The following PAICS variants were observed in gnomAD, a reference collection of about 807,000 sequenced individuals.
The protein encoded by PAICS is bifunctional phosphoribosylaminoimidazole carboxylase/phosphoribosylaminoimidazole succinocarboxamide synthetase.
PAICS carries 33 observed loss-of-function variants against 53.7 expected under a neutral mutation model. That is an observed-to-expected ratio of 0.61 (90% CI 0.47 to 0.82). The LOEUF is 0.82. Among genes scored for constraint, PAICS ranks in the 40% least tolerant of loss-of-function variants. PAICS has a pLI of 0.00. For synonymous variants in PAICS, 141 were observed against 167.2 expected (o/e 0.84, Z 1.21); for missense variants, 394 against 494.1 (o/e 0.80, Z 1.92).
intron 7 of PAICS, among the ~76,000 whole-genome samples, chr4:56,452,901 T>A (rs559339241): frequency 5.8e-4 from 89 of 152,298 alleles, no homozygotes; most frequent in Middle Eastern, 3.4e-3. Flanking sequence ...AGGTTGTTGC[T>A]ATGGAAGTGT....
At chr4:56,437,409 A>C (rs1718071490) in intron 1 of PAICS, among the ~76,000 whole-genome samples, 1 of 152,130 alleles carries the variant, frequency 6.6e-6, no homozygotes, top group South Asian at 2.1e-4. Context: ...CTGGAAAAAA[A>C]CAAATGCTGG....
chr4:56,459,535 A>C lies in PAICS; in HGVS notation c.1275A>C (p.Leu425Phe). ...QADKKIRECN[L>F] Reference sequence around the variant, plus strand: ...ACAAGAAAATCAGAGAATGTAATTTATAAGAAAGAATGCCATTGAATTTTT... The same window carrying C: ...ACAAGAAAATCAGAGAATGTAATTTCTAAGAAAGAATGCCATTGAATTTTT... The change falls in exon 9 of 9, where the codon TTA becomes TTC. Residue 425 changes from leucine (L) to phenylalanine (F), a missense_variant. This residue lies in a region of PAICS where 95 missense variants were observed against 89.3 expected (regional missense o/e 1.06). Coordinates refer to ENST00000512576, the MANE Select transcript of PAICS (RefSeq NM_001079524.2). The C allele has an allele frequency of 1.3e-6, 2 of 1,546,684 alleles. No individual in the cohort carries two copies. Among genetic ancestry groups the C allele is most frequent in the Non-Finnish European group, 1.8e-6 (2 of 1,136,218 alleles).
chr4:56,428,362 A>G, the PAICS span, among the ~76,000 whole-genome samples: 1 of 152,346 alleles, frequency 6.6e-6, no homozygotes, highest in African/African-American at 2.4e-5. Flanking sequence ...TGATGAAAAA[A>G]TTAAGCGAAT....
chr4:56,422,650 C>T, the PAICS span: 2 of 151,974 alleles, frequency 1.3e-5, no homozygotes, highest in Non-Finnish European at 1.5e-5. Flanking sequence ...TGAATGATAA[C>T]TAGCTTTAGA....
At chr4:56,436,058 G>C (rs1717917417), upstream of PAICS, 1 of 1,500,252 alleles carries the variant, frequency 6.7e-7, no homozygotes, top group East Asian at 2.5e-5. Flanking sequence ...AGCGCGGGGC[G>C]GCCCGGAGGC....
At chr4:56,447,876 T>G (rs780215881) in intron 3 of PAICS, among the ~76,000 whole-genome samples, 6 of 151,926 alleles carry the variant, frequency 3.9e-5, no homozygotes, top group Non-Finnish European at 7.4e-5. Context: ...AAACAAAAAA[T>G]TTCTTTAGAT....
At chr4:56,419,735 T>C in the PAICS span, 2 of 984,080 alleles carry the variant, frequency 2.0e-6, no homozygotes, top group African/African-American at 3.5e-5. Flanking sequence ...TCTGGTCTGA[T>C]AAAAGCATAC....
intron 8 of PAICS, among the ~76,000 whole-genome samples, chr4:56,457,213 G>C (rs1445984151): frequency 6.6e-6 from 1 of 152,132 alleles, no homozygotes. Context: ...GATTGCCTGA[G>C]CTCAGCCTAG....
chr4:56,459,511 C>T lies in PAICS; in HGVS notation c.1251C>T (p.Asp417=). 1 of 1,568,150 alleles carries T rather than the reference C, an allele frequency of 6.4e-7. No homozygotes were observed. ...CATGGATTTCCTTGAAGCAGGCTGA[C>T]AAGAAAATCAGAGAATGTAATTTAT... ...LNTWISLKQA[D]KKIRECNL is the part of the protein sequence containing the mutation. Residue 417 remains aspartate (D), a synonymous_variant, in exon 9 of 9, where the codon GAC becomes GAT. Transcript: ENST00000512576.
chr4:56,449,307 C>T (rs1286410229), intron 5 of PAICS, among the ~76,000 whole-genome samples: 1 of 152,112 alleles, frequency 6.6e-6, no homozygotes, highest in Non-Finnish European at 1.5e-5. Flanking sequence ...CAAACCTAAA[C>T]CACAATGAGA....
chr4:56,419,915 G>C, the PAICS span: 1 of 984,626 alleles, frequency 1.0e-6, no homozygotes, highest in Non-Finnish European at 1.2e-6. Context: ...GCATGACTAA[G>C]AGTATGAAAT....
the PAICS span, among the ~76,000 whole-genome samples, chr4:56,424,949 T>C: frequency 1.3e-5 from 2 of 152,210 alleles, no homozygotes; most frequent in East Asian, 1.9e-4. Context: ...AGAAGTTTCA[T>C]GGTAGTAAAA....
At chr4:56,414,663 T>G in the PAICS span, among the ~76,000 whole-genome samples, 1 of 152,220 alleles carries the variant, frequency 6.6e-6, no homozygotes, top group East Asian at 1.9e-4. Context: ...CTTTTCTGTT[T>G]CACTACCATC....
At chr4:56,452,459 G>GCCAC (rs1718969164) in intron 7 of PAICS, among the ~76,000 whole-genome samples, 1 of 152,206 alleles carries the variant, frequency 6.6e-6, no homozygotes, top group Admixed American at 6.5e-5. Flanking sequence ...ACAGGCATGA[G>GCCAC]CCACCACGCC....
intron 2 of PAICS, among the ~76,000 whole-genome samples, chr4:56,442,496 G>T (rs1204088135): frequency 6.6e-6 from 1 of 152,166 alleles, no homozygotes; most frequent in Admixed American, 6.5e-5. Flanking sequence ...AGGAAATTAG[G>T]ATAAAGGGGT....
upstream of PAICS, among the ~76,000 whole-genome samples, chr4:56,432,549 G>A (rs1022572751): frequency 1.4e-4 from 21 of 149,036 alleles, no homozygotes; most frequent in African/African-American, 5.0e-4. Flanking sequence ...AAAAAGGGAG[G>A]CCAAGGCGGG....
At chr4:56,436,626 G>A in intron 1 of PAICS, 1 of 655,926 alleles carries the variant, frequency 1.5e-6, no homozygotes, top group Admixed American at 2.1e-5. Context: ...GTCTTGATTC[G>A]TCAAAACCTG....
At position 56,446,437 on chromosome 4, in the gene PAICS, A is replaced by G. The variant is rs868295002; in HGVS notation, c.215-258A>G. On this transcript the variant is annotated intron_variant, in intron 2 of 8. Transcript: ENST00000512576. ...ATTTAGCCTAGTGTTTTTAAGCTTC[A>G]TCCATATTATATAGCATGGATGTAT... The G allele has an allele frequency of 2.1e-5, 15 of 716,440 alleles. No homozygotes were observed. In the Middle Eastern group the frequency reaches 1.8e-3, roughly 88 times the overall value. The allele number at this position is 716,440 out of a possible 1,614,324, so 44.4% of individuals were successfully genotyped here. A position where few individuals can be genotyped will look rare whatever the true frequency, so the allele number is the denominator to read the frequency against.
chr4:56,438,869 C>T (rs918552744), intron 1 of PAICS, among the ~76,000 whole-genome samples: 4 of 152,106 alleles, frequency 2.6e-5, no homozygotes, highest in Non-Finnish European at 5.9e-5. Flanking sequence ...CTTGTAATAG[C>T]CACATTTCTA....
Sources: gnomAD v4.1 joint callset for allele counts (sites outside exome capture counted in the v4.1 genomes callset) on GRCh38, gnomAD v4.1.1 for gene constraint, gnomAD v4.1.1 regional missense constraint, MANE v1.5 for transcripts, NCBI Gene and HGNC (gene_info 2026-07-23, HGNC 2026-07-21) for gene names.